The following CREB3L2 variants were observed in gnomAD, a reference collection of about 807,000 sequenced individuals.
CREB3L2 encodes the protein cAMP responsive element binding protein 3 like 2.
A neutral mutation model predicts 57.2 loss-of-function variants in CREB3L2; 23 were observed. The observed-to-expected ratio is 0.40, with a 90% CI of 0.29 to 0.57. CREB3L2 has a LOEUF of 0.57. Among genes scored for constraint, CREB3L2 ranks in the 20% least tolerant of loss-of-function variants. CREB3L2 has a pLI of 0.42. For synonymous variants in CREB3L2, 268 were observed against 265.1 expected (o/e 1.01, Z -0.11); for missense variants, 628 against 634.7 (o/e 0.99, Z 0.11).
At chr7:137,982,848 C>T (rs969891019) in intron 1 of CREB3L2, among the ~76,000 whole-genome samples, 31 of 152,066 alleles carry the variant, frequency 2.0e-4, no homozygotes, top group African/African-American at 7.5e-4. Flanking sequence ...AAGGATGGTG[C>T]CCTCATGATG....
intron 1 of CREB3L2, among the ~76,000 whole-genome samples, chr7:137,974,453 C>A (rs1357628170): frequency 6.6e-6 from 1 of 152,100 alleles, no homozygotes; most frequent in Non-Finnish European, 1.5e-5. Flanking sequence ...ATTTAAAGAT[C>A]TTAAAAAGGG....
At chr7:137,952,348 C>A (rs1801118250) in intron 1 of CREB3L2, among the ~76,000 whole-genome samples, 1 of 152,180 alleles carries the variant, frequency 6.6e-6, no homozygotes, top group African/African-American at 2.4e-5. Context: ...TTAACCATCT[C>A]TTCCACATAC....
chr7:137,972,933 C>A (rs1296428759), intron 1 of CREB3L2, among the ~76,000 whole-genome samples: 1 of 150,764 alleles, frequency 6.6e-6, no homozygotes, highest in Non-Finnish European at 1.5e-5. Flanking sequence ...GAATGGACAC[C>A]CTGGTAACAA....
chr7:137,966,861 T>G (rs917363963), intron 1 of CREB3L2, among the ~76,000 whole-genome samples: 9 of 152,174 alleles, frequency 5.9e-5, no homozygotes, highest in African/African-American at 2.2e-4. Context: ...TGTCTGGGAA[T>G]GAGGGCATGG....
chr7:137,962,087 C>A (rs185290687), intron 1 of CREB3L2, among the ~76,000 whole-genome samples: 18 of 152,330 alleles, frequency 1.2e-4, no homozygotes, highest in Admixed American at 5.2e-4. Flanking sequence ...TCAGGAAACA[C>A]TTGTAGAACA....
rs184953849 is a variant in CREB3L2, at chr7:137,974,363, G to A, written c.102+27241C>T. On this transcript the variant is annotated intron_variant, in intron 1 of 11. Transcript: ENST00000330387. ...AGCACAATCTGAAGGCTAAGCACCA[G>A]GCAAAGGGAAAAGGGTGAAAAGAGT... Among the ~76,000 whole-genome samples the A allele has an allele frequency of 1.4e-4, 21 of 152,300 alleles. No individual in the cohort carries two copies. In the East Asian group the frequency reaches 4.0e-3, roughly 29 times the overall value.
At chr7:137,971,475 G>C (rs11773019) in intron 1 of CREB3L2, among the ~76,000 whole-genome samples, 12,649 of 151,924 alleles carry the variant, frequency 0.083, 1,126 homozygotes, top group African/African-American at 0.22. Flanking sequence ...ATTTTGGATG[G>C]GGGGAGACAT....
chr7:137,880,165 C>T lies in CREB3L2; in HGVS notation c.*311G>A. ...TTACACCTCACAGGTGCACATTAGG[C>T]AATATCTTTTTGGCACTATTGGTGG... On this transcript the variant is annotated 3_prime_UTR_variant, in exon 12 of 12. Transcript: ENST00000330387. The surrounding 1 kb of genome is among the most constrained non-coding windows in gnomAD (Gnocchi z 4.0). 1 of 436,878 alleles carries T rather than the reference C, an allele frequency of 2.3e-6. No individual in the cohort carries two copies. Among genetic ancestry groups the T allele is most frequent in the Non-Finnish European group, 4.2e-6 (1 of 236,062 alleles). 27.1% of individuals were successfully genotyped at this position (436,878 alleles called of 1,614,324 possible). A position where few individuals can be genotyped will look rare whatever the true frequency, so the allele number is the denominator to read the frequency against.
intron 1 of CREB3L2, among the ~76,000 whole-genome samples, chr7:137,941,396 G>A (rs575662176): frequency 7.9e-5 from 12 of 152,322 alleles, no homozygotes; most frequent in Non-Finnish European, 1.3e-4. Flanking sequence ...TATCTCCATC[G>A]TGGCCAGCCA....
intron 1 of CREB3L2, among the ~76,000 whole-genome samples, chr7:137,964,336 AAAAC>A (rs576762874): frequency 4.8e-4 from 73 of 152,216 alleles, no homozygotes; most frequent in Admixed American, 8.5e-4. Flanking sequence ...AAAACAAAGC[AAAAC>A]AAACAAACAA....
At chr7:137,918,325 G>A (rs1800191841) in intron 2 of CREB3L2, among the ~76,000 whole-genome samples, 1 of 152,030 alleles carries the variant, frequency 6.6e-6, no homozygotes, top group Non-Finnish European at 1.5e-5. Flanking sequence ...TGAGTAGCTG[G>A]AATTACAGGT....
At chr7:137,905,048 G>A (rs1479016570) in intron 6 of CREB3L2, among the ~76,000 whole-genome samples, 1 of 151,808 alleles carries the variant, frequency 6.6e-6, no homozygotes, top group South Asian at 2.1e-4. Context: ...CATGGATAGA[G>A]TGACACTAAG....
At chr7:137,964,787 A>G (rs1286833890) in intron 1 of CREB3L2, among the ~76,000 whole-genome samples, 1 of 152,162 alleles carries the variant, frequency 6.6e-6, no homozygotes, top group Non-Finnish European at 1.5e-5. Flanking sequence ...CATAATTCCC[A>G]CATGTTGTGG....
At chr7:137,945,415 G>A (rs944669296) in intron 1 of CREB3L2, among the ~76,000 whole-genome samples, 10 of 152,204 alleles carry the variant, frequency 6.6e-5, no homozygotes, top group African/African-American at 1.7e-4. Flanking sequence ...ACTGAATTGC[G>A]TGAGACCTGG....
chr7:137,892,758 G>A (rs1799550561), intron 8 of CREB3L2, among the ~76,000 whole-genome samples: 1 of 152,000 alleles, frequency 6.6e-6, no homozygotes, highest in Non-Finnish European at 1.5e-5. Flanking sequence ...CCCCACCCGA[G>A]TCACATCTAG....
In CREB3L2 at chr7:137,919,617, C is replaced by T. The variant is rs181974138; in HGVS notation, c.320-3605G>A. 3.1e-3 allele frequency among the ~76,000 whole-genome samples: 465 copies of T among 152,290 alleles called. 4 individuals carry two copies. The highest frequency in any genetic ancestry group is 0.011 in the African/African-American group (448 of 41,558). On this transcript the variant is annotated intron_variant, in intron 2 of 11. Coordinates refer to ENST00000330387, the MANE Select transcript of CREB3L2 (RefSeq NM_194071.4). ...GGATAAAGATTATGCATAAATAATG[C>T]TCACTAGGGCATTGTTTATGATGAC... is the stretch of plus-strand genomic sequence containing the variant.
intron 1 of CREB3L2, among the ~76,000 whole-genome samples, chr7:137,994,221 A>AC (rs1439553946): frequency 1.3e-5 from 2 of 152,350 alleles, no homozygotes; most frequent in East Asian, 3.9e-4. Flanking sequence ...AAGGCTATTT[A>AC]CCCCAAGAGA....
At position 137,879,694 on chromosome 7, in the gene CREB3L2, C is replaced by G. The variant is rs950100935; in HGVS notation, c.*782G>C. Reference sequence around the variant, plus strand: ...ACTTGGCTAGCTTGAAAGGAGGCATCGATCTCTTCAGTGTGGTTGCTAGCA... The same window carrying G: ...ACTTGGCTAGCTTGAAAGGAGGCATGGATCTCTTCAGTGTGGTTGCTAGCA... On this transcript the variant is annotated 3_prime_UTR_variant, in exon 12 of 12. Coordinates refer to ENST00000330387, the MANE Select transcript of CREB3L2 (RefSeq NM_194071.4). 3 of 239,704 alleles carry G rather than the reference C, an allele frequency of 1.3e-5. No homozygotes were observed. Among genetic ancestry groups the G allele is most frequent in the African/African-American group, 4.4e-5 (2 of 45,300 alleles). The allele number at this position is 239,704 out of a possible 1,614,324, so 14.8% of individuals were successfully genotyped here.
intron 1 of CREB3L2, chr7:137,958,013 T>A (rs274004): frequency 0.43 from 107,244 of 252,172 alleles, 25,587 homozygotes; most frequent in East Asian, 0.8. Context: ...GCTGTTCAAC[T>A]GAATCAGTCA....
Sources: allele counts gnomAD v4.1 joint callset (sites outside exome capture counted in the v4.1 genomes callset), GRCh38; gene constraint gnomAD v4.1.1; non-coding constraint Gnocchi (gnomAD v3.1); transcripts MANE v1.5; gene names NCBI Gene and HGNC (gene_info 2026-07-23, HGNC 2026-07-21).